RHOD: variants seen among roughly 807,000 people sequenced by gnomAD.
The protein encoded by RHOD is rho-related GTP-binding protein RhoD.
A neutral mutation model predicts 16.7 loss-of-function variants in RHOD; 11 were observed. That is an observed-to-expected ratio of 0.66 (90% confidence interval 0.41 to 1.09). The LOEUF is 1.09. Among genes scored for constraint, RHOD ranks in the 50% least tolerant of loss-of-function variants. RHOD has a pLI of 0.00. For synonymous variants in RHOD, 124 were observed against 126.3 expected, an observed-to-expected ratio of 0.98 and a Z score of 0.12; for missense variants, 271 against 291.7, an observed-to-expected ratio of 0.93 and a Z score of 0.52.
intron 2 of RHOD, 58 bp downstream of exon 2, chr11:67,066,041 G>A (rs1854955970): frequency 5.2e-6 from 7 of 1,340,418 alleles, no homozygotes; most frequent in East Asian, 2.4e-5. Context: ...CTGATGCCTG[G>A]GACAGATTCC....
intron 1 of RHOD, among the ~76,000 whole-genome samples, chr11:67,063,800 CAAAAAAAAAAAA>C (rs71045978): frequency 5.3e-5 from 2 of 37,930 alleles, no homozygotes; most frequent in African/African-American, 1.2e-4. Context: ...GACTCTCTCT[CAAAAAAAAAAAA>C]AAAAAAAAAA....
chr11:67,059,310 T>G (rs1371899488), intron 1 of RHOD, among the ~76,000 whole-genome samples: 2 of 151,690 alleles, frequency 1.3e-5, no homozygotes, highest in African/African-American at 4.8e-5. Context: ...GAGGCCAAGG[T>G]GGGTGGATCA....
At chr11:67,065,487 C>T (rs1854947832) in intron 1 of RHOD, among the ~76,000 whole-genome samples, 1 of 152,040 alleles carries the variant, frequency 6.6e-6, no homozygotes, top group Non-Finnish European at 1.5e-5. Context: ...ATTCTCGTGC[C>T]TCAGCCTCTT....
At chr11:67,064,105 C>CAAAA (rs1280364068) in intron 1 of RHOD, among the ~76,000 whole-genome samples, 2 of 45,584 alleles carry the variant, frequency 4.4e-5, no homozygotes, top group Non-Finnish European at 9.2e-5. Context: ...GACTCCGTCT[C>CAAAA]AAAAAAAAAA....
In RHOD at chr11:67,068,182, G is replaced by A. The variant is rs894389663; in HGVS notation, c.330+1335G>A. Among the ~76,000 whole-genome samples the A allele has an allele frequency of 3.3e-5, 5 of 152,224 alleles. No homozygotes were observed. In the South Asian group the frequency reaches 6.2e-4, roughly 19 times the overall value. On this transcript the variant is annotated intron_variant, in intron 3 of 4. Transcript: ENST00000308831. ...AGGAGCAAGCTGGGTTCGGGAGTGG[G>A]ACATCCTAGTGGAGGTGTCCGGCAG...
intron 3 of RHOD, 39 bp from the exon 4 acceptor site, chr11:67,070,386 T>TCACA: frequency 6.2e-7 from 1 of 1,608,670 alleles, no homozygotes; most frequent in Non-Finnish European, 8.5e-7. Context: ...TCTCCAGGGC[T>TCACA]CACACATGCC....
intron 1 of RHOD, among the ~76,000 whole-genome samples, chr11:67,065,486 C>T (rs936686618): frequency 1.3e-5 from 2 of 151,998 alleles, no homozygotes; most frequent in African/African-American, 4.8e-5. Context: ...AATTCTCGTG[C>T]CTCAGCCTCT....
chr11:67,070,670 CG>C, intron 4 of RHOD, 111 bp downstream of exon 4: 1 of 1,334,016 alleles, frequency 7.5e-7, no homozygotes, highest in Non-Finnish European at 1.0e-6. Context: ...GTCAGAGCTG[CG>C]GTCGTCTTAG....
intron 1 of RHOD, among the ~76,000 whole-genome samples, chr11:67,057,573 A>G (rs1216976462): frequency 6.6e-6 from 1 of 152,204 alleles, no homozygotes; most frequent in African/African-American, 2.4e-5. Context: ...GCTCCTGGGA[A>G]ACATTGTCTC....
At chr11:67,063,800 C>CAAAA (rs71045978) in intron 1 of RHOD, among the ~76,000 whole-genome samples, 2 of 37,940 alleles carry the variant, frequency 5.3e-5, no homozygotes, top group Non-Finnish European at 9.0e-5. Flanking sequence ...GACTCTCTCT[C>CAAAA]AAAAAAAAAA....
chr11:67,065,365 C>A (rs1854945614), intron 1 of RHOD, among the ~76,000 whole-genome samples: 1 of 151,944 alleles, frequency 6.6e-6, no homozygotes, highest in Non-Finnish European at 1.5e-5. Context: ...TGAGCCAGCA[C>A]ACCCGGCCTT....
chr11:67,066,309 C>T (rs562132710), intron 2 of RHOD, among the ~76,000 whole-genome samples: 19 of 152,326 alleles, frequency 1.2e-4, no homozygotes, highest in African/African-American at 4.3e-4. Flanking sequence ...CTCTGCCCTC[C>T]AGCCTCCTGA....
At chr11:67,070,705 C>A (rs1283548415) in intron 4 of RHOD, 146 bp downstream of exon 4, 2 of 920,566 alleles carry the variant, frequency 2.2e-6, no homozygotes, top group Non-Finnish European at 3.3e-6. Context: ...TCAGAAACTT[C>A]CAGCACTTAG....
intron 2 of RHOD, 30 bp downstream of exon 2, chr11:67,066,013 A>AGGGGGGGGGGAGGGGGGGGG: frequency 1.3e-6 from 1 of 749,786 alleles, no homozygotes; most frequent in Admixed American, 1.8e-5. Flanking sequence ...GCAGGGTGGG[A>AGGGGGGGGGGAGGGGGGGGG]GGGGCTTCTG....
In RHOD at chr11:67,060,256, G is replaced by A. The variant is rs566324241; in HGVS notation, c.132+3222G>A. 4.6e-5 allele frequency among the ~76,000 whole-genome samples: 7 copies of A among 152,300 alleles called. No homozygotes were observed. In the South Asian group the frequency reaches 6.2e-4, roughly 14 times the overall value. On this transcript the variant is annotated intron_variant, in intron 1 of 4. Coordinates refer to ENST00000308831, the MANE Select transcript of RHOD (RefSeq NM_014578.4). ...CCTCTTGAGCCAGGTCCCCCATCTT[G>A]GTAATGATTCATTTTCTGTCTGTGA...
intron 1 of RHOD, among the ~76,000 whole-genome samples, chr11:67,058,157 A>G (rs4930407): frequency 0.54 from 81,310 of 151,944 alleles, 23,000 homozygotes; most frequent in African/African-American, 0.71. Context: ...CACCACGCCT[A>G]GCTAATTTTT....
chr11:67,070,845 A>G (rs1855020919), intron 4 of RHOD, among the ~76,000 whole-genome samples: 1 of 152,158 alleles, frequency 6.6e-6, no homozygotes, highest in South Asian at 2.1e-4. Context: ...CCACATATTC[A>G]GACCGTGGGT....
intron 1 of RHOD, among the ~76,000 whole-genome samples, chr11:67,060,625 C>G (rs1450050335): frequency 6.6e-6 from 1 of 152,222 alleles, no homozygotes; most frequent in African/African-American, 2.4e-5. Context: ...GGCTCTGTCA[C>G]TAGCCAGCTG....
intron 1 of RHOD, among the ~76,000 whole-genome samples, chr11:67,061,820 A>ATATATATG (rs1854893600): frequency 1.6e-5 from 2 of 127,068 alleles, no homozygotes; most frequent in Non-Finnish European, 3.3e-5. Context: ...GTATATATAT[A>ATATATATG]TGTGTGTGTG....
Sources: allele counts gnomAD v4.1 joint callset (sites outside exome capture counted in the v4.1 genomes callset), GRCh38; gene constraint gnomAD v4.1.1; transcripts MANE v1.5; gene names NCBI Gene and HGNC (gene_info 2026-07-23, HGNC 2026-07-21).